EMC2: variants seen among roughly 807,000 people sequenced by gnomAD.
EMC2 encodes the protein TPR repeat protein 35.
A neutral mutation model predicts 51.6 loss-of-function variants in EMC2; 37 were observed. The ratio of observed to expected loss-of-function variants is 0.72; its 90% CI spans 0.55 to 0.94. The LOEUF is 0.94. EMC2 is among the 40% of genes least tolerant of loss of function. The pLI, the probability that EMC2 is intolerant of heterozygous loss-of-function variation, is 0.00. For missense variants in EMC2, 359 were observed against 350.9 expected (o/e 1.02, Z -0.18); for synonymous variants, 131 against 112.4 (o/e 1.17, Z -1.04).
In EMC2 at chr8:108,455,897, TG is replaced by T; in HGVS notation, c.331del (p.Asp111IlefsTer34). On this transcript the variant is annotated frameshift_variant, in exon 5 of 11. Coordinates refer to ENST00000220853, the MANE Select transcript of EMC2 (RefSeq NM_014673.5). LOFTEE classifies it high-confidence loss of function. Reference protein sequence around the residue: ...ERYDDAIQLYDRILQEDPTNT... With the variant: ...ERYDDAIQLYXRILQEDPTNT... ...GATATGATGATGCTATACAGCTATATGATAGGATTTTACAAGAAGATCCAAC... is the reference window on the plus strand; with the variant it reads ...GATATGATGATGCTATACAGCTATATATAGGATTTTACAAGAAGATCCAAC... The T allele has an allele frequency of 7.3e-7, 1 of 1,361,082 alleles. No individual in the cohort carries two copies. Among genetic ancestry groups the T allele is most frequent in the Non-Finnish European group, 1.0e-6 (1 of 995,188 alleles). 84.3% of individuals were successfully genotyped at this position (1,361,082 alleles called of 1,614,324 possible).
rs767912086 is a variant in EMC2 at position 108,449,812 on chromosome 8, A to T, written c.41-11A>T. On this transcript the variant is annotated splice_polypyrimidine_tract_variant and intron_variant, in intron 1 of 10. Transcript: ENST00000220853. ...TACATATACACTTAAATGTCATGTT[A>T]TTTTTTTCAGAAATGAGAGATAAAA... The T allele has an allele frequency of 1.6e-6, 2 of 1,274,544 alleles. No individual in the cohort carries two copies. Among genetic ancestry groups the T allele is most frequent in the South Asian group, 1.2e-5 (1 of 82,766 alleles). The allele number at this position is 1,274,544 out of a possible 1,614,324, so 79.0% of individuals were successfully genotyped here.
At chr8:108,466,442 A>ATTTTTTTTTTTTTTTTTTTTTTTT (rs869102478) in intron 5 of EMC2, among the ~76,000 whole-genome samples, 1 of 91,036 alleles carries the variant, frequency 1.1e-5, no homozygotes, top group Admixed American at 1.3e-4. Flanking sequence ...CTATGATAGA[A>ATTTTTTTTTTTTTTTTTTTTTTTT]TTTTTTTTTT....
rs1810940744 is a variant in EMC2 at position 108,476,040 on chromosome 8, C to T, written c.591+77C>T. The T allele has an allele frequency of 2.3e-5, 17 of 752,490 alleles. No individual in the cohort carries two copies. The South Asian group carries it at 2.8e-4, about 12-fold the overall frequency. 46.6% of individuals were successfully genotyped at this position (752,490 alleles called of 1,614,324 possible). ...TGTTATTATGGAACTAAGAATATTT[C>T]CTTGATGTTAAGCAAGTATATAAAT... On this transcript the variant is annotated intron_variant, in intron 8 of 10. Coordinates refer to ENST00000220853, the MANE Select transcript of EMC2 (RefSeq NM_014673.5).
At chr8:108,455,951 GA>G (rs764255350) in intron 5 of EMC2, 21 bp downstream of exon 5, 16 of 1,209,168 alleles carry the variant, frequency 1.3e-5, no homozygotes, top group Middle Eastern at 2.0e-4. Context: ...AGATTGTCTT[GA>G]AAAAAATCTA....
intron 6 of EMC2, 48 bp from the exon 7 acceptor site, chr8:108,470,014 T>C: frequency 6.4e-7 from 1 of 1,566,588 alleles, no homozygotes. Flanking sequence ...ATGCTGTTCA[T>C]TTACAGAATA....
intron 1 of EMC2, 148 bp from the exon 2 acceptor site, chr8:108,449,675 T>C (rs1432857898): frequency 2.1e-6 from 1 of 483,196 alleles, no homozygotes; most frequent in Non-Finnish European, 3.7e-6. Context: ...TTTATCAAAT[T>C]TGAGATACCA....
intron 5 of EMC2, among the ~76,000 whole-genome samples, chr8:108,457,387 C>T (rs1220108215): frequency 2.1e-5 from 3 of 143,574 alleles, no homozygotes; most frequent in African/African-American, 7.8e-5. Context: ...TGTATTAGTC[C>T]ATTTTCATGC....
At chr8:108,476,693 G>A (rs1230891246) in intron 8 of EMC2, 89 bp from the exon 9 acceptor site, 5 of 637,208 alleles carry the variant, frequency 7.8e-6, no homozygotes, top group Non-Finnish European at 1.1e-5. Flanking sequence ...TATCTGTTTC[G>A]ATTACTGAAT....
Position 108,479,116 on chromosome 8 carries a change from T to C in EMC2, c.807+6T>C, listed in dbSNP as rs761386656. 6.8e-7 allele frequency: 1 copy of C among 1,476,696 alleles called. No homozygotes were observed. The highest frequency in any genetic ancestry group is 9.2e-7 in the Non-Finnish European group (1 of 1,091,818). 91.5% of individuals were successfully genotyped at this position (1,476,696 alleles called of 1,614,324 possible). A position where few individuals can be genotyped will look rare whatever the true frequency, so the allele number is the denominator to read the frequency against. ...AAATAAACAGAGCTTATCAGGTTAG[T>C]ATTTATTGATCATTTTGCTATGTAG... is the stretch of plus-strand genomic sequence containing the variant. On this transcript the variant is annotated splice_donor_region_variant and intron_variant, in intron 10 of 10. Transcript: ENST00000220853.
intron 9 of EMC2, 87 bp downstream of exon 9, chr8:108,476,979 G>T: frequency 1.6e-6 from 1 of 629,422 alleles, no homozygotes; most frequent in Non-Finnish European, 2.8e-6. Context: ...CTCCTCTCCT[G>T]TTTTTTGTAT....
intron 9 of EMC2, 26 bp from the exon 10 acceptor site, chr8:108,478,980 C>T: frequency 7.0e-7 from 1 of 1,422,760 alleles, no homozygotes; most frequent in Non-Finnish European, 9.6e-7. Flanking sequence ...AGGAATTTTG[C>T]TTTTGATGTT....
chr8:108,450,493 G>A lies in EMC2; in HGVS notation c.219+1G>A. ...CTATGGTCGGGATGACTTGGCATTG[G>A]TAGGTATTTAAATGAAGTATATATT... On this transcript the variant is annotated splice_donor_variant, in intron 3 of 10. Transcript: ENST00000220853. LOFTEE classifies it high-confidence loss of function. 6.5e-7 allele frequency: 1 copy of A among 1,540,112 alleles called. No individual in the cohort carries two copies. The highest frequency in any genetic ancestry group is 1.1e-5 in the South Asian group (1 of 89,564).
chr8:108,486,416 T>G, intron 10 of EMC2, 96 bp from the exon 11 acceptor site: 2 of 1,372,148 alleles, frequency 1.5e-6, no homozygotes. Context: ...GATAAAATAG[T>G]CAATGTTAAG....
intron 3 of EMC2, among the ~76,000 whole-genome samples, chr8:108,452,858 G>A (rs143273820): frequency 1.3e-5 from 2 of 152,264 alleles, no homozygotes; most frequent in South Asian, 2.1e-4. Context: ...AGCATGATCA[G>A]TTTCTGAGAA....
chr8:108,485,704 TG>T (rs1811126916), intron 10 of EMC2, among the ~76,000 whole-genome samples: 1 of 150,854 alleles, frequency 6.6e-6, no homozygotes, highest in Non-Finnish European at 1.5e-5. Flanking sequence ...AATCAGCATG[TG>T]GTATTCAACA....
At chr8:108,474,895 A>G (rs1276072934) in intron 7 of EMC2, 1 of 88,828 alleles carries the variant, frequency 1.1e-5, no homozygotes, top group African/African-American at 3.6e-5. Context: ...GAGTTAATAC[A>G]TGTAACACAT....
At chr8:108,470,243 CAG>C in intron 7 of EMC2, 122 bp downstream of exon 7, 1 of 633,880 alleles carries the variant, frequency 1.6e-6, no homozygotes, top group Admixed American at 3.0e-5. Flanking sequence ...AAATGAGAAA[CAG>C]AACAAATCAA....
intron 10 of EMC2, among the ~76,000 whole-genome samples, chr8:108,480,073 A>T (rs764783439): frequency 3.3e-5 from 5 of 152,152 alleles, no homozygotes; most frequent in Non-Finnish European, 7.3e-5. Context: ...AGTTTTCCCA[A>T]ATACACAGTA....
Position 108,470,068 on chromosome 8 carries a change from TG to T in EMC2, c.458del (p.Gly153GlufsTer26). 1 of 1,612,998 alleles carries T rather than the reference TG, an allele frequency of 6.2e-7. No individual in the cohort carries two copies. The stretch of plus-strand genomic sequence containing the variant: ...TTTCTTTTCCTCTCACCAGATTTGT[TG>T]GAGACCAAGAAGCCTGGCATGAACT... ...ELNEYLEQFV[G>X]DQEAWHELAE... On this transcript the variant is annotated frameshift_variant, in exon 7 of 11. Transcript: ENST00000220853. LOFTEE classifies it high-confidence loss of function.
Sources: allele counts gnomAD v4.1 joint callset (sites outside exome capture counted in the v4.1 genomes callset), GRCh38; gene constraint gnomAD v4.1.1; transcripts MANE v1.5; gene names NCBI Gene and HGNC (gene_info 2026-07-23, HGNC 2026-07-21).